Variants in AGPAT4 observed in about 807,000 individuals in gnomAD.
AGPAT4 encodes the protein 1-acylglycerol-3-phosphate O-acyltransferase 4, also known as 1-acyl-sn-glycerol-3-phosphate acyltransferase delta.
In AGPAT4, 15 loss-of-function variants were observed where a neutral mutation model predicts 48.0. The ratio of observed to expected loss-of-function variants is 0.31; its 90% CI spans 0.21 to 0.48. AGPAT4 has a LOEUF of 0.48. Among genes scored for constraint, AGPAT4 ranks in the 20% least tolerant of loss-of-function variants. The probability of loss-of-function intolerance (pLI) is 0.99; values close to 1 mark genes in which losing one functional copy is unlikely to be tolerated. For synonymous variants in AGPAT4, 178 were observed against 198.7 expected (o/e 0.90, Z 0.88); for missense variants, 314 against 482.5 (o/e 0.65, Z 3.27).
chr6:161,149,095 G>C lies in AGPAT4; in HGVS notation c.767+92C>G. 1 of 1,487,846 alleles carries C rather than the reference G, an allele frequency of 6.7e-7. No homozygotes were observed. The highest frequency in any genetic ancestry group is 9.0e-7 in the Non-Finnish European group (1 of 1,116,770). 92.2% of individuals were successfully genotyped at this position (1,487,846 alleles called of 1,614,324 possible). On this transcript the variant is annotated intron_variant, in intron 6 of 8. Transcript: ENST00000320285. The surrounding 1 kb of genome is among the most constrained non-coding windows in gnomAD (Gnocchi z 6.5). ...ACTGCAAAGAAGTCAGTGTGACCCA[G>C]GGATCCCTGGAAGAAAGTCTCTAGG...
At position 161,155,193 on chromosome 6, in the gene AGPAT4, C is replaced by T. The variant is rs571256824; in HGVS notation, c.349-883G>A. Among the ~76,000 whole-genome samples, 3 of 152,216 alleles carry T rather than the reference C, an allele frequency of 2.0e-5. No homozygotes were observed. The highest frequency in any genetic ancestry group is 1.3e-4 in the Admixed American group (2 of 15,288). ...GTGGCCCTCCCCAGCCAGGCGTCCA[C>T]TACATCAGTCCCCCTACACTGAGGA... On this transcript the variant is annotated intron_variant, in intron 3 of 8. Transcript: ENST00000320285. This position sits in a 1 kb window ranked among gnomAD's most constrained non-coding sequence, Gnocchi z 5.8.
At chr6:161,145,142 C>T (rs1441544587) in intron 7 of AGPAT4, among the ~76,000 whole-genome samples, 1 of 151,632 alleles carries the variant, frequency 6.6e-6, no homozygotes, top group Admixed American at 6.6e-5. Context: ...GGTGCAGAAC[C>T]TCGATAACTT....
intron 2 of AGPAT4, among the ~76,000 whole-genome samples, chr6:161,224,505 G>A (rs567309494): frequency 1.1e-4 from 16 of 151,922 alleles, no homozygotes; most frequent in Middle Eastern, 3.4e-3. Flanking sequence ...AGCTGGGCAC[G>A]GTGGCACCTG....
chr6:161,218,164 C>A lies in AGPAT4; in HGVS notation c.178+13872G>T, dbSNP rs538749354. Among the ~76,000 whole-genome samples, 1 of 152,168 alleles carries A rather than the reference C, an allele frequency of 6.6e-6. No individual in the cohort carries two copies. The highest frequency in any genetic ancestry group is 1.9e-4 in the East Asian group (1 of 5,192). ...CAAGATGACTGTAGCTCTCTACCCC[C>A]GTCCACAGTGACGGTGCCAATGGTG... On this transcript the variant is annotated intron_variant, in intron 2 of 8. Transcript: ENST00000320285. This position sits in a 1 kb window ranked among gnomAD's most constrained non-coding sequence, Gnocchi z 4.7.
Position 161,249,862 on chromosome 6 carries a change from A to C in AGPAT4, c.-89-17560T>G, listed in dbSNP as rs1782760009. ...CTATCATAAAGACACATGCACGCTT[A>C]TGTTCATTGCAGTACTACTGCAGCT... is the stretch of plus-strand genomic sequence containing the variant. On this transcript the variant is annotated intron_variant, in intron 1 of 8. Transcript: ENST00000320285. This position sits in a 1 kb window ranked among gnomAD's most constrained non-coding sequence, Gnocchi z 6.2. 6.6e-6 allele frequency among the ~76,000 whole-genome samples: 1 copy of C among 152,236 alleles called. No homozygotes were observed. The highest frequency in any genetic ancestry group is 2.1e-4 in the South Asian group (1 of 4,830).
At chr6:161,241,420 T>C (rs1373486483) in intron 1 of AGPAT4, among the ~76,000 whole-genome samples, 1 of 152,178 alleles carries the variant, frequency 6.6e-6, no homozygotes, top group African/African-American at 2.4e-5. Context: ...AAATCATACT[T>C]AACTTTTTCA....
Position 161,141,184 on chromosome 6 carries a change from T to C in AGPAT4, c.844-1564A>G, listed in dbSNP as rs975504319. On this transcript the variant is annotated intron_variant, in intron 7 of 8. Coordinates refer to ENST00000320285, the MANE Select transcript of AGPAT4 (RefSeq NM_020133.3). The surrounding 1 kb of genome is among the most constrained non-coding windows in gnomAD (Gnocchi z 6.7). ...AACCCCCAACCCCTTCCCTGGGCAG[T>C]TCAGGTGCCTCTGCTCTGTCCTCGG... 1.3e-5 allele frequency among the ~76,000 whole-genome samples: 2 copies of C among 152,096 alleles called. No homozygotes were observed. Among genetic ancestry groups the C allele is most frequent in the African/African-American group, 4.8e-5 (2 of 41,422 alleles).
At position 161,197,796 on chromosome 6, in the gene AGPAT4, A is replaced by T. The variant is rs1463240090; in HGVS notation, c.179-31379T>A. ...CCCAGGAGAGTTAAGTGCCTGCCGG[A>T]GTTCTGGAAATAAAATTACTTACGT... On this transcript the variant is annotated intron_variant, in intron 2 of 8. Transcript: ENST00000320285. The surrounding 1 kb of genome is among the most constrained non-coding windows in gnomAD (Gnocchi z 5.7). 6.6e-6 allele frequency among the ~76,000 whole-genome samples: 1 copy of T among 152,188 alleles called. No individual in the cohort carries two copies. The highest frequency in any genetic ancestry group is 1.5e-5 in the Non-Finnish European group (1 of 68,032).
At position 161,181,836 on chromosome 6, in the gene AGPAT4, A is replaced by G. The variant is rs541157740; in HGVS notation, c.179-15419T>C. 5.3e-3 allele frequency among the ~76,000 whole-genome samples: 808 copies of G among 152,136 alleles called. 9 individuals carry two copies. Among genetic ancestry groups the G allele is most frequent in the African/African-American group, 0.019 (779 of 41,482 alleles). ...GGCCAAGCTCTTGAAAGCCATCAGG[A>G]TTATATTAGGGGGTGATTTTGCCCC... On this transcript the variant is annotated intron_variant, in intron 2 of 8. Coordinates refer to ENST00000320285, the MANE Select transcript of AGPAT4 (RefSeq NM_020133.3).
At chr6:161,203,048 C>A (rs772265032) in intron 2 of AGPAT4, among the ~76,000 whole-genome samples, 1 of 152,214 alleles carries the variant, frequency 6.6e-6, no homozygotes, top group Non-Finnish European at 1.5e-5. Context: ...CTAGCTGTTA[C>A]CACTGGGCTC....
In AGPAT4 at chr6:161,136,138, A is replaced by G. The variant is rs1012582114; in HGVS notation, c.*402T>C. 1 of 194,864 alleles carries G rather than the reference A, an allele frequency of 5.1e-6. No individual in the cohort carries two copies. The highest frequency in any genetic ancestry group is 2.4e-5 in the African/African-American group (1 of 42,512). The allele number at this position is 194,864 out of a possible 1,614,324, so 12.1% of individuals were successfully genotyped here. On this transcript the variant is annotated 3_prime_UTR_variant, in exon 9 of 9. Coordinates refer to ENST00000320285, the MANE Select transcript of AGPAT4 (RefSeq NM_020133.3). Reference sequence around the variant, plus strand: ...ATAATTTAGTCATCTCACCTAAAGCACTTTTCACTTTATCTCTGGCAACCA... The same window carrying G: ...ATAATTTAGTCATCTCACCTAAAGCGCTTTTCACTTTATCTCTGGCAACCA...
intron 2 of AGPAT4, among the ~76,000 whole-genome samples, chr6:161,186,230 G>C (rs534258226): frequency 1.3e-5 from 2 of 152,226 alleles, no homozygotes; most frequent in South Asian, 4.2e-4. Flanking sequence ...TGCTTAAGAT[G>C]AGTGAATCAG....
At position 161,212,490 on chromosome 6, in the gene AGPAT4, T is replaced by A; in HGVS notation, c.178+19546A>T. Among the ~76,000 whole-genome samples, 1 of 152,218 alleles carries A rather than the reference T, an allele frequency of 6.6e-6. No homozygotes were observed. Among genetic ancestry groups the A allele is most frequent in the Non-Finnish European group, 1.5e-5 (1 of 68,030 alleles). The stretch of plus-strand genomic sequence containing the variant: ...TCCAAAAGTGACATAATTTGGCTTA[T>A]CTGGTATAAAAATTATACAGGAAAC... On this transcript the variant is annotated intron_variant, in intron 2 of 8. Transcript: ENST00000320285. The surrounding 1 kb of genome is among the most constrained non-coding windows in gnomAD (Gnocchi z 6.1).
chr6:161,216,226 G>A lies in AGPAT4; in HGVS notation c.178+15810C>T, dbSNP rs1562341856. On this transcript the variant is annotated intron_variant, in intron 2 of 8. Coordinates refer to ENST00000320285, the MANE Select transcript of AGPAT4 (RefSeq NM_020133.3). This position sits in a 1 kb window ranked among gnomAD's most constrained non-coding sequence, Gnocchi z 4.8. ...GGTTCTGAACCCACGTTGGGGTTGG[G>A]TGGGAATAACTCAATGGATGACTGA... Among the ~76,000 whole-genome samples, 1 of 152,176 alleles carries A rather than the reference G, an allele frequency of 6.6e-6. No homozygotes were observed. The highest frequency in any genetic ancestry group is 6.5e-5 in the Admixed American group (1 of 15,282).
rs144422948 is a variant in AGPAT4, at chr6:161,150,255, G to T, written c.665-966C>A. On this transcript the variant is annotated intron_variant, in intron 5 of 8. Transcript: ENST00000320285. ...AAGAGCACCAGACGGTAGGAGGAAC[G>T]GGTGGGAACCCCAGCGGCTGCCACC... Among the ~76,000 whole-genome samples the T allele has an allele frequency of 2.6e-3, 390 of 152,332 alleles. 1 individual carries two copies. The highest frequency in any genetic ancestry group is 8.9e-3 in the African/African-American group (371 of 41,566).
intron 2 of AGPAT4, among the ~76,000 whole-genome samples, chr6:161,230,216 TGG>T (rs1782088244): frequency 6.6e-6 from 1 of 152,214 alleles, no homozygotes; most frequent in Admixed American, 6.5e-5. Context: ...AGTACTCTTG[TGG>T]ACTCTGATTC....
In AGPAT4 at chr6:161,165,557, C is replaced by G; in HGVS notation, c.348+691G>C. On this transcript the variant is annotated intron_variant, in intron 3 of 8. Coordinates refer to ENST00000320285, the MANE Select transcript of AGPAT4 (RefSeq NM_020133.3). This position sits in a 1 kb window ranked among gnomAD's most constrained non-coding sequence, Gnocchi z 5.5. ...CCCAGACCAATGTACACTGTGTACA[C>G]TGTGATTCCTACGGAATACCTGAGT... is the stretch of plus-strand genomic sequence containing the variant. 2 of 1,283,714 alleles carry G rather than the reference C, an allele frequency of 1.6e-6. No individual in the cohort carries two copies. The highest frequency in any genetic ancestry group is 2.5e-5 in the South Asian group (2 of 79,420). The allele number at this position is 1,283,714 out of a possible 1,614,324, so 79.5% of individuals were successfully genotyped here.
At chr6:161,258,325 A>G (rs1340293527) in intron 1 of AGPAT4, among the ~76,000 whole-genome samples, 1 of 152,160 alleles carries the variant, frequency 6.6e-6, no homozygotes, top group Non-Finnish European at 1.5e-5. Context: ...CCCATTTGAA[A>G]ACAAATTTCC....
rs1287067010 is a variant in AGPAT4, at chr6:161,208,737, A to G, written c.178+23299T>C. Among the ~76,000 whole-genome samples, 17 of 152,232 alleles carry G rather than the reference A, an allele frequency of 1.1e-4. No individual in the cohort carries two copies. Among genetic ancestry groups the G allele is most frequent in the Admixed American group, 7.2e-4 (11 of 15,274 alleles). The stretch of plus-strand genomic sequence containing the variant: ...TTCAAAAGAAAACTATTTGGTGCTG[A>G]TTTATTTAAATAAAAAATTATTTCC... On this transcript the variant is annotated intron_variant, in intron 2 of 8. Transcript: ENST00000320285. The surrounding 1 kb of genome is among the most constrained non-coding windows in gnomAD (Gnocchi z 4.6).
Sources: allele counts gnomAD v4.1 joint callset (sites outside exome capture counted in the v4.1 genomes callset), GRCh38; gene constraint gnomAD v4.1.1; non-coding constraint Gnocchi (gnomAD v3.1); transcripts MANE v1.5; gene names NCBI Gene and HGNC (gene_info 2026-07-23, HGNC 2026-07-21).